The following CNTN3 variants were observed in gnomAD, a reference collection of about 807,000 sequenced individuals.
CNTN3 encodes the protein contactin 3, also known as contactin-3.
In CNTN3, 60 loss-of-function variants were observed where a neutral mutation model predicts 119.1. The observed-to-expected ratio is 0.50, with a 90% CI of 0.41 to 0.62. The LOEUF is 0.62. Ranked by LOEUF, CNTN3 falls within the 20% of genes least tolerant of loss-of-function variation. The probability of loss-of-function intolerance (pLI) is 0.00; values close to 1 mark genes in which losing one functional copy is unlikely to be tolerated. For synonymous variants in CNTN3, 450 were observed against 438.7 expected, an observed-to-expected ratio of 1.03 and a Z score of -0.32; for missense variants, 1,101 against 1,242.4, an observed-to-expected ratio of 0.89 and a Z score of 1.71.
At position 74,457,312 on chromosome 3, in the gene CNTN3, T is replaced by C. The variant is rs1418959617; in HGVS notation, c.358+29144A>G. On this transcript the variant is annotated intron_variant, in intron 4 of 22. Transcript: ENST00000263665. ...CAAATAACTTGCCATCAAAAAATGA[T>C]AAAATTTTAGAGGTCATGTATGCAT... 9.2e-5 allele frequency among the ~76,000 whole-genome samples: 14 copies of C among 152,192 alleles called. No homozygotes were observed. In the East Asian group the frequency reaches 2.7e-3, roughly 29 times the overall value.
intron 5 of CNTN3, among the ~76,000 whole-genome samples, chr3:74,371,705 C>T (rs1704342671): frequency 6.6e-6 from 1 of 152,128 alleles, no homozygotes; most frequent in Admixed American, 6.6e-5. Context: ...CATCCTGCCT[C>T]TACCATGATA....
At chr3:74,451,114 G>C (rs58036906) in intron 4 of CNTN3, among the ~76,000 whole-genome samples, 30,346 of 151,902 alleles carry the variant, frequency 0.2, 3,160 homozygotes, top group Admixed American at 0.26. Context: ...GGTTGAACTA[G>C]TTTACAGTCC....
intron 4 of CNTN3, among the ~76,000 whole-genome samples, chr3:74,473,528 G>A (rs7635004): frequency 0.13 from 20,324 of 152,110 alleles, 1,686 homozygotes; most frequent in East Asian, 0.45. Flanking sequence ...TTGGTAATAC[G>A]GTCCTGCATT....
intron 1 of CNTN3, among the ~76,000 whole-genome samples, chr3:74,590,670 C>T (rs909699527): frequency 1.3e-5 from 2 of 151,980 alleles, no homozygotes; most frequent in Non-Finnish European, 2.9e-5. Context: ...AAGTGATGGT[C>T]ATATGAGAGA....
At chr3:74,345,471 G>C (rs899325646) in intron 11 of CNTN3, among the ~76,000 whole-genome samples, 4 of 152,086 alleles carry the variant, frequency 2.6e-5, no homozygotes, top group African/African-American at 9.7e-5. Context: ...AAAAACATAC[G>C]TGAGAAATAA....
At chr3:74,541,083 G>C (rs1006891095) in intron 1 of CNTN3, among the ~76,000 whole-genome samples, 2 of 152,122 alleles carry the variant, frequency 1.3e-5, no homozygotes, top group African/African-American at 4.8e-5. Context: ...AGGGTATCAA[G>C]TGTTCATGAG....
chr3:74,533,990 C>A (rs1004208004), intron 1 of CNTN3, among the ~76,000 whole-genome samples: 1 of 152,036 alleles, frequency 6.6e-6, no homozygotes, highest in African/African-American at 2.4e-5. Flanking sequence ...GCCCAAATGA[C>A]AATCATGTCA....
intron 4 of CNTN3, among the ~76,000 whole-genome samples, chr3:74,445,875 TG>T (rs1235347114): frequency 6.6e-6 from 1 of 152,144 alleles, no homozygotes; most frequent in Non-Finnish European, 1.5e-5. Flanking sequence ...AACCTGAAAT[TG>T]GGGCTGCCAC....
At chr3:74,311,903 G>C (rs1575716318) in intron 13 of CNTN3, among the ~76,000 whole-genome samples, 2 of 152,148 alleles carry the variant, frequency 1.3e-5, no homozygotes, top group South Asian at 4.1e-4. Context: ...ACATCCCCAG[G>C]AACCAGTGCT....
intron 8 of CNTN3, among the ~76,000 whole-genome samples, chr3:74,367,797 T>C (rs1704235597): frequency 6.6e-6 from 1 of 152,118 alleles, no homozygotes; most frequent in African/African-American, 2.4e-5. Flanking sequence ...GTTTCTGTTA[T>C]ATAGAGCTAA....
intron 1 of CNTN3, among the ~76,000 whole-genome samples, chr3:74,528,453 C>T (rs1032714351): frequency 6.6e-6 from 1 of 151,878 alleles, no homozygotes; most frequent in Non-Finnish European, 1.5e-5. Context: ...GTAGTGGCAA[C>T]TCTAAGAATC....
chr3:74,537,775 G>T (rs1703786718), intron 1 of CNTN3, among the ~76,000 whole-genome samples: 1 of 152,092 alleles, frequency 6.6e-6, no homozygotes, highest in Non-Finnish European at 1.5e-5. Flanking sequence ...CATTAACAGA[G>T]AAGGGAGGAT....
At chr3:74,330,605 T>G (rs561579102) in intron 13 of CNTN3, among the ~76,000 whole-genome samples, 38 of 152,148 alleles carry the variant, frequency 2.5e-4, no homozygotes, top group Non-Finnish European at 5.3e-4. Flanking sequence ...AGTGTACTTC[T>G]TCTACAAATT....
At chr3:74,290,175 G>C (rs34474489) in intron 19 of CNTN3, among the ~76,000 whole-genome samples, 613 of 152,260 alleles carry the variant, frequency 4.0e-3, no homozygotes, top group Admixed American at 7.5e-3. Flanking sequence ...GAACATCGTA[G>C]AGTGCAATTA....
At position 74,399,586 on chromosome 3, in the gene CNTN3, T is replaced by C. The variant is rs140093823; in HGVS notation, c.454+25259A>G. On this transcript the variant is annotated intron_variant, in intron 5 of 22. Transcript: ENST00000263665. ...GATTCCCTGTCTTTGCTATTGTGAATAGTGCTGATGAACTTATGCATGCAT... is the reference window on the plus strand; with the variant it reads ...GATTCCCTGTCTTTGCTATTGTGAACAGTGCTGATGAACTTATGCATGCAT... Among the ~76,000 whole-genome samples the C allele has an allele frequency of 4.8e-4, 73 of 152,286 alleles. 1 individual carries two copies. Among genetic ancestry groups the C allele is most frequent in the African/African-American group, 1.6e-3 (67 of 41,552 alleles).
chr3:74,406,766 G>GCA (rs71129744), intron 5 of CNTN3, among the ~76,000 whole-genome samples: 89,946 of 151,526 alleles, frequency 0.59, 29,925 homozygotes, highest in East Asian at 0.83. Flanking sequence ...GCACATATAT[G>GCA]CACACACACA....
At chr3:74,532,234 A>T (rs1040159778) in intron 1 of CNTN3, among the ~76,000 whole-genome samples, 2 of 151,784 alleles carry the variant, frequency 1.3e-5, no homozygotes, top group Non-Finnish European at 2.9e-5. Flanking sequence ...TGAGAATGAG[A>T]GAGATGGGAT....
chr3:74,452,906 G>C lies in CNTN3; in HGVS notation c.359-27966C>G, dbSNP rs574625778. Among the ~76,000 whole-genome samples the C allele has an allele frequency of 2.0e-5, 3 of 151,568 alleles. No homozygotes were observed. The South Asian group carries it at 6.3e-4, about 32-fold the overall frequency. On this transcript the variant is annotated intron_variant, in intron 4 of 22. Transcript: ENST00000263665. ...GGATAAGCTTTTTGATGTGCTGCTG[G>C]ATTCGGTTTGCCAGTATTTTATTGA...
At chr3:74,522,052 C>A (rs1350334813) in intron 1 of CNTN3, among the ~76,000 whole-genome samples, 2 of 151,778 alleles carry the variant, frequency 1.3e-5, no homozygotes, top group Non-Finnish European at 2.9e-5. Context: ...TTGTCACTGA[C>A]CCAAAGAGAG....
Sources: gnomAD v4.1 joint callset for allele counts (sites outside exome capture counted in the v4.1 genomes callset) on GRCh38, gnomAD v4.1.1 for gene constraint, MANE v1.5 for transcripts, NCBI Gene and HGNC (gene_info 2026-07-23, HGNC 2026-07-21) for gene names.